The following RNF17 variants were observed in gnomAD, a reference collection of about 807,000 sequenced individuals.
RNF17 encodes spermatogenesis associated 23.
RNF17 carries 31 observed loss-of-function variants against 200.5 expected under a neutral mutation model. That is an observed-to-expected ratio of 0.15 (90% CI 0.12 to 0.21). RNF17 has a LOEUF of 0.21. Among genes scored for constraint, RNF17 ranks in the 10% least tolerant of loss-of-function variants. The pLI, the probability that RNF17 is intolerant of heterozygous loss-of-function variation, is 1.00. For synonymous variants in RNF17, 606 were observed against 637.8 expected (o/e 0.95, Z 0.75); for missense variants, 1,628 against 1,905.1 (o/e 0.85, Z 2.71).
chr13:24,791,156 G>A (rs1302643868), intron 9 of RNF17, among the ~76,000 whole-genome samples: 1 of 152,078 alleles, frequency 6.6e-6, no homozygotes, highest in African/African-American at 2.4e-5. Context: ...TGGCCATTTG[G>A]GGGATTATTT....
intron 10 of RNF17, chr13:24,794,208 C>G (rs1270967693): frequency 2.2e-6 from 1 of 456,600 alleles, no homozygotes; most frequent in Non-Finnish European, 4.4e-6. Context: ...AAAGCCTCTT[C>G]AGAAAAACTC....
At chr13:24,811,639 G>C (rs1012948520) in intron 15 of RNF17, among the ~76,000 whole-genome samples, 1 of 152,112 alleles carries the variant, frequency 6.6e-6, no homozygotes, top group Non-Finnish European at 1.5e-5. Context: ...TCTTCTCTCA[G>C]GTCGTCAAAG....
At chr13:24,850,564 G>A (rs762380604) in intron 23 of RNF17, 121 bp downstream of exon 23, 18 of 640,584 alleles carry the variant, frequency 2.8e-5, no homozygotes, top group African/African-American at 5.5e-5. Flanking sequence ...AAATTTTGTC[G>A]GTTTTATTTC....
intron 5 of RNF17, among the ~76,000 whole-genome samples, chr13:24,780,084 C>T (rs1882139839): frequency 6.6e-6 from 1 of 152,156 alleles, no homozygotes; most frequent in Admixed American, 6.5e-5. Flanking sequence ...TCTCTTCCTA[C>T]TCCACCTTCC....
Position 24,774,055 on chromosome 13 carries a change from G to A in RNF17, c.226-758G>A, listed in dbSNP as rs1247068628. Among the ~76,000 whole-genome samples the A allele has an allele frequency of 2.0e-5, 3 of 151,332 alleles. No homozygotes were observed. The East Asian group carries it at 5.8e-4, about 29-fold the overall frequency. On this transcript the variant is annotated intron_variant, in intron 2 of 35. Coordinates refer to ENST00000255324, the MANE Select transcript of RNF17 (RefSeq NM_031277.3). ...ATCCAACTTTCTTCTATTTCTAACT[G>A]CATTTTACTTGAACACTGTCTCGAG...
intron 20 of RNF17, among the ~76,000 whole-genome samples, chr13:24,844,367 C>G (rs1051878379): frequency 1.3e-5 from 2 of 151,984 alleles, no homozygotes; most frequent in African/African-American, 4.8e-5. Context: ...GAGGAAGGCA[C>G]TTTTAGGATG....
chr13:24,864,956 T>A lies in RNF17; in HGVS notation c.4059T>A (p.Tyr1353Ter). 6.4e-7 allele frequency: 1 copy of A among 1,569,238 alleles called. No homozygotes were observed. The highest frequency in any genetic ancestry group is 8.7e-7 in the Non-Finnish European group (1 of 1,153,230). Reference protein sequence around the residue: ...GMSLSYFMAYYKYCTSEHTEE... With the variant: ...GMSLSYFMAY ...CACTTTCTTATTTTATGGCATACTA[T>A]AAATACTGTACTTCTGAACATACTG... Residue 1353 changes from tyrosine (Y) to a stop codon, truncating the protein, a stop_gained, in exon 29 of 36, where the codon TAT becomes TAA. Coordinates refer to ENST00000255324, the MANE Select transcript of RNF17 (RefSeq NM_031277.3). LOFTEE classifies it high-confidence loss of function.
intron 16 of RNF17, chr13:24,826,129 T>C: frequency 1.0e-6 from 1 of 974,348 alleles, no homozygotes; most frequent in Non-Finnish European, 1.2e-6. Context: ...CTTTGTGTCC[T>C]CTCTGCTTCC....
chr13:24,856,385 A>C (rs1361597344), intron 25 of RNF17, among the ~76,000 whole-genome samples: 1 of 144,094 alleles, frequency 6.9e-6, no homozygotes, highest in African/African-American at 2.6e-5. Flanking sequence ...GCGCCACTGC[A>C]CTCCAGCCTG....
intron 10 of RNF17, 74 bp downstream of exon 10, chr13:24,793,420 CATGCATTTAACAGAA>C: frequency 4.4e-6 from 6 of 1,348,882 alleles, no homozygotes; most frequent in Non-Finnish European, 6.0e-6. Context: ...CTTTTTCGTC[CATGCATTTAACAGAA>C]ATATAATTGC....
Position 24,847,358 on chromosome 13 carries a change from T to A in RNF17, c.3101+2279T>A, listed in dbSNP as rs548716706. On this transcript the variant is annotated intron_variant, in intron 22 of 35. Transcript: ENST00000255324. The stretch of plus-strand genomic sequence containing the variant: ...TTTTATTTATTTATTTATTTTTTTT[T>A]TTTTTGAGACAGAGTCTCCCTCTGT... 5.9e-3 allele frequency among the ~76,000 whole-genome samples: 892 copies of A among 151,624 alleles called. 4 individuals are homozygous for A. Among genetic ancestry groups the A allele is most frequent in the African/African-American group, 0.021 (849 of 41,296 alleles).
At chr13:24,831,431 G>A (rs1889381578) in intron 17 of RNF17, among the ~76,000 whole-genome samples, 1 of 152,122 alleles carries the variant, frequency 6.6e-6, no homozygotes, top group Non-Finnish European at 1.5e-5. Flanking sequence ...GACAGGGCAA[G>A]ACTCGGTCTC....
chr13:24,854,656 A>C (rs1892273731), intron 25 of RNF17, among the ~76,000 whole-genome samples: 1 of 152,160 alleles, frequency 6.6e-6, no homozygotes, highest in South Asian at 2.1e-4. Flanking sequence ...AAAAGGAAAT[A>C]AAGGTCCAGG....
intron 23 of RNF17, 44 bp from the exon 24 acceptor site, chr13:24,851,412 T>C: frequency 7.8e-7 from 1 of 1,278,914 alleles, no homozygotes; most frequent in Non-Finnish European, 1.1e-6. Context: ...TATGAAGATT[T>C]CATTTTGGTG....
chr13:24,840,294 G>A (rs4769385), intron 18 of RNF17, among the ~76,000 whole-genome samples: 22,101 of 152,094 alleles, frequency 0.15, 1,644 homozygotes, highest in African/African-American at 0.16. Context: ...AACTAGTACA[G>A]TTACTATGGA....
chr13:24,768,624 A>G (rs1880151750), intron 2 of RNF17, among the ~76,000 whole-genome samples: 1 of 151,898 alleles, frequency 6.6e-6, no homozygotes, highest in Non-Finnish European at 1.5e-5. Flanking sequence ...AAATCAGATG[A>G]TAAGGCTTTG....
chr13:24,844,700 T>C lies in RNF17; in HGVS notation c.2880T>C (p.Pro960=), dbSNP rs1891052476. 1 of 1,611,502 alleles carries C rather than the reference T, an allele frequency of 6.2e-7. No homozygotes were observed. Among genetic ancestry groups the C allele is most frequent in the African/African-American group, 1.3e-5 (1 of 74,994 alleles). The change falls in exon 21 of 36, where the codon CCT becomes CCC. Residue 960 remains proline, a synonymous_variant. Coordinates refer to ENST00000255324, the MANE Select transcript of RNF17 (RefSeq NM_031277.3). The part of the protein sequence containing the change: ...IAAYENSKWE[P]VKWENDMHCA... ...CTTATGAAAACTCAAAATGGGAACCTGTTAAATGGGAAAATGATATGCACT... is the reference window on the plus strand; with the variant it reads ...CTTATGAAAACTCAAAATGGGAACCCGTTAAATGGGAAAATGATATGCACT...
intron 15 of RNF17, among the ~76,000 whole-genome samples, chr13:24,805,785 T>C (rs879588129): frequency 3.9e-5 from 6 of 152,210 alleles, no homozygotes; most frequent in Non-Finnish European, 8.8e-5. Flanking sequence ...CCGAACTGTT[T>C]TCTACAGCAG....
chr13:24,864,267 T>G (rs1012135708), intron 28 of RNF17, among the ~76,000 whole-genome samples: 27 of 151,922 alleles, frequency 1.8e-4, no homozygotes, highest in South Asian at 2.1e-4. Context: ...TAAGAAGAGA[T>G]AGGACAAGAT....
Sources: allele counts gnomAD v4.1 joint callset (sites outside exome capture counted in the v4.1 genomes callset), GRCh38; gene constraint gnomAD v4.1.1; transcripts MANE v1.5; gene names NCBI Gene and HGNC (gene_info 2026-07-23, HGNC 2026-07-21).